The following C12orf54 variants were observed in gnomAD, a reference collection of about 807,000 sequenced individuals.
C12orf54 encodes the protein chromosome 12 open reading frame 54.
A neutral mutation model predicts 26.4 loss-of-function variants in C12orf54; 24 were observed. The observed-to-expected ratio is 0.91, with a 90% CI of 0.66 to 1.28. The LOEUF (loss-of-function observed/expected upper bound fraction) is 1.28. Among genes scored for constraint, C12orf54 ranks in the 50% most tolerant of loss-of-function variants. The probability of loss-of-function intolerance (pLI) is 0.00; values close to 1 mark genes in which losing one functional copy is unlikely to be tolerated. For synonymous variants in C12orf54, 54 were observed against 47.0 expected (o/e 1.15, Z -0.61); for missense variants, 154 against 150.9 (o/e 1.02, Z -0.11).
At chr12:48,488,153 C>G in intron 4 of C12orf54, 1 of 763,150 alleles carries the variant, frequency 1.3e-6, no homozygotes, top group Non-Finnish European at 2.4e-6. Context: ...TCTACTGGAA[C>G]CTTATGAATG....
the C12orf54 span, among the ~76,000 whole-genome samples, chr12:48,449,048 G>A: frequency 6.6e-6 from 1 of 152,220 alleles, no homozygotes; most frequent in African/African-American, 2.4e-5. Context: ...TTGACAATTG[G>A]TTGAGTTTGT....
chr12:48,465,722 T>C, the C12orf54 span, among the ~76,000 whole-genome samples: 1 of 152,088 alleles, frequency 6.6e-6, no homozygotes, highest in African/African-American at 2.4e-5. Context: ...ACCATGATAC[T>C]ATGCAGCCAT....
the C12orf54 span, among the ~76,000 whole-genome samples, chr12:48,451,883 C>G: frequency 6.6e-6 from 1 of 152,154 alleles, no homozygotes; most frequent in African/African-American, 2.4e-5. Flanking sequence ...TAGGAAGAAT[C>G]AATATTGTGA....
the C12orf54 span, among the ~76,000 whole-genome samples, chr12:48,468,348 T>C: frequency 1.3e-5 from 2 of 152,088 alleles, no homozygotes; most frequent in Non-Finnish European, 2.9e-5. Context: ...TAAAGCAGAA[T>C]GGACAGGTGG....
chr12:48,447,381 A>G, the C12orf54 span, among the ~76,000 whole-genome samples: 1 of 152,136 alleles, frequency 6.6e-6, no homozygotes, highest in African/African-American at 2.4e-5. Context: ...GCACTAGACT[A>G]TGGTGTTTTG....
At chr12:48,459,806 A>G in the C12orf54 span, among the ~76,000 whole-genome samples, 10 of 152,202 alleles carry the variant, frequency 6.6e-5, no homozygotes, top group Non-Finnish European at 1.5e-4. Context: ...AGAATCGCAC[A>G]GGAATACTCT....
chr12:48,477,247 G>A, the C12orf54 span, among the ~76,000 whole-genome samples: 347 of 152,336 alleles, frequency 2.3e-3, 3 homozygotes, highest in African/African-American at 7.5e-3. Flanking sequence ...ATTCAAAGCA[G>A]TGTGTAGAGG....
chr12:48,466,345 A>G, the C12orf54 span, among the ~76,000 whole-genome samples: 2 of 152,078 alleles, frequency 1.3e-5, no homozygotes, highest in Non-Finnish European at 2.9e-5. Context: ...GGAGTTCGGG[A>G]CGATCCTGGC....
chr12:48,482,084 G>T (rs1248835809), upstream of C12orf54, among the ~76,000 whole-genome samples: 2 of 152,066 alleles, frequency 1.3e-5, no homozygotes, highest in Non-Finnish European at 2.9e-5. Context: ...AATCTAAATG[G>T]TTTTAAATCC....
chr12:48,477,418 G>C, the C12orf54 span, among the ~76,000 whole-genome samples: 1 of 152,258 alleles, frequency 6.6e-6, no homozygotes, highest in African/African-American at 2.4e-5. Flanking sequence ...GAAGGAAATA[G>C]AGACACAAAA....
chr12:48,454,545 G>C, the C12orf54 span, among the ~76,000 whole-genome samples: 4 of 152,178 alleles, frequency 2.6e-5, no homozygotes, highest in African/African-American at 9.7e-5. Flanking sequence ...AGGTCTGATT[G>C]CTAAGAATAA....
At chr12:48,418,229 C>T in the C12orf54 span, among the ~76,000 whole-genome samples, 3 of 152,128 alleles carry the variant, frequency 2.0e-5, no homozygotes, top group Non-Finnish European at 2.9e-5. Context: ...TAAAATGGTA[C>T]AGGGAAGGCA....
the C12orf54 span, among the ~76,000 whole-genome samples, chr12:48,452,143 A>G: frequency 6.6e-6 from 1 of 152,166 alleles, no homozygotes; most frequent in Non-Finnish European, 1.5e-5. Flanking sequence ...AGACACATAA[A>G]TCAATGGAAC....
the C12orf54 span, among the ~76,000 whole-genome samples, chr12:48,474,190 T>C: frequency 6.6e-6 from 1 of 152,246 alleles, no homozygotes; most frequent in African/African-American, 2.4e-5. Flanking sequence ...AATGCTTTGT[T>C]TTACAAAAAT....
the C12orf54 span, among the ~76,000 whole-genome samples, chr12:48,418,269 T>C: frequency 6.6e-6 from 1 of 152,208 alleles, no homozygotes. Context: ...GGGAAAGACA[T>C]TCTCTATTTA....
chr12:48,494,316 A>C (rs1384168247), intron 7 of C12orf54, among the ~76,000 whole-genome samples: 1 of 152,040 alleles, frequency 6.6e-6, no homozygotes. Flanking sequence ...ATTTGTCCCT[A>C]TCTCAGAAAA....
At chr12:48,459,724 A>G in the C12orf54 span, among the ~76,000 whole-genome samples, 1 of 152,190 alleles carries the variant, frequency 6.6e-6, no homozygotes, top group South Asian at 2.1e-4. Flanking sequence ...ATCAAAACGA[A>G]CAAAGGGAAA....
chr12:48,430,936 G>GTA, the C12orf54 span, among the ~76,000 whole-genome samples: 1 of 149,846 alleles, frequency 6.7e-6, no homozygotes, highest in Non-Finnish European at 1.5e-5. Context: ...AGAAACTGTG[G>GTA]TATATATATA....
the C12orf54 span, among the ~76,000 whole-genome samples, chr12:48,422,798 A>AT: frequency 4.9e-4 from 74 of 152,244 alleles, no homozygotes; most frequent in Admixed American, 1.6e-3. Flanking sequence ...TTAGAATCCT[A>AT]TTTTTTCATG....
Sources: gnomAD v4.1 joint callset for allele counts (sites outside exome capture counted in the v4.1 genomes callset) on GRCh38, gnomAD v4.1.1 for gene constraint, MANE v1.5 for transcripts, NCBI Gene and HGNC (gene_info 2026-07-23, HGNC 2026-07-21) for gene names.